The following ZNF469 variants were observed in gnomAD, a reference collection of about 807,000 sequenced individuals.
ZNF469 encodes the protein zinc finger protein 469.
In ZNF469, 1 loss-of-function variant was observed where a neutral mutation model predicts 1.0. That is an observed-to-expected ratio of 1.00 (90% CI 0.35 to 4.73). The LOEUF is 4.73. ZNF469 is among the 30% of genes most tolerant of loss of function. ZNF469 has a pLI of 0.16. For missense variants in ZNF469, 6,100 were observed against 5,356.3 expected, an observed-to-expected ratio of 1.14 and a Z score of -4.33; for synonymous variants, 2,703 against 2,363.4, an observed-to-expected ratio of 1.14 and a Z score of -4.17.
At chr16:88,120,946 G>T in the ZNF469 span, among the ~76,000 whole-genome samples, 11 of 152,130 alleles carry the variant, frequency 7.2e-5, no homozygotes, top group Non-Finnish European at 1.2e-4. Flanking sequence ...TTTCTTGGCC[G>T]CAGGCGTTGG....
the ZNF469 span, among the ~76,000 whole-genome samples, chr16:88,266,327 G>A: frequency 2.6e-5 from 4 of 152,248 alleles, no homozygotes; most frequent in Non-Finnish European, 5.9e-5. Flanking sequence ...CACTGCTGGA[G>A]CTACAGGGAG....
chr16:88,301,311 C>T, the ZNF469 span, among the ~76,000 whole-genome samples: 9 of 152,176 alleles, frequency 5.9e-5, no homozygotes, highest in South Asian at 1.2e-3. Flanking sequence ...CCCGCTACCA[C>T]GCCTGGCTAA....
At chr16:88,345,464 G>A in the ZNF469 span, among the ~76,000 whole-genome samples, 4 of 152,214 alleles carry the variant, frequency 2.6e-5, no homozygotes, top group African/African-American at 2.4e-5. Flanking sequence ...ACACGCAAAC[G>A]TTGGGTAGGT....
chr16:88,391,599 C>G (rs1022858259), intron 1 of ZNF469, among the ~76,000 whole-genome samples: 1 of 152,256 alleles, frequency 6.6e-6, no homozygotes, highest in Non-Finnish European at 1.5e-5. Flanking sequence ...TCGGGAGCCT[C>G]TGACCTGTGT....
the ZNF469 span, among the ~76,000 whole-genome samples, chr16:88,102,837 G>A: frequency 3.3e-5 from 5 of 152,248 alleles, no homozygotes; most frequent in Non-Finnish European, 4.4e-5. Flanking sequence ...TCCATCCGCC[G>A]GGACCTGGCC....
chr16:88,166,431 T>C, the ZNF469 span, among the ~76,000 whole-genome samples: 3 of 152,144 alleles, frequency 2.0e-5, no homozygotes, highest in Admixed American at 1.3e-4. The surrounding 1 kb of genome is among the most constrained non-coding windows in gnomAD (Gnocchi z 4.5). Flanking sequence ...GAAATTTCCA[T>C]GCGGTGAAAT....
At chr16:88,340,914 G>A in the ZNF469 span, among the ~76,000 whole-genome samples, 1 of 152,052 alleles carries the variant, frequency 6.6e-6, no homozygotes, top group Non-Finnish European at 1.5e-5. Flanking sequence ...GTGGAGGAGG[G>A]CCTCGCAGAG....
chr16:88,223,153 C>A, the ZNF469 span, among the ~76,000 whole-genome samples: 21 of 152,312 alleles, frequency 1.4e-4, no homozygotes, highest in East Asian at 3.7e-3. Flanking sequence ...CCAAATCTCA[C>A]CTTGAATTAT....
At chr16:88,270,403 G>A in the ZNF469 span, among the ~76,000 whole-genome samples, 1 of 152,222 alleles carries the variant, frequency 6.6e-6, no homozygotes, top group Non-Finnish European at 1.5e-5. Context: ...AGCTCACCAG[G>A]GTCCTGGATG....
chr16:88,188,451 G>C, the ZNF469 span, among the ~76,000 whole-genome samples: 1 of 152,200 alleles, frequency 6.6e-6, no homozygotes. Context: ...GGACGGCATG[G>C]GCTGCTTAAT....
intron 1 of ZNF469, among the ~76,000 whole-genome samples, chr16:88,396,787 G>A (rs554264717): frequency 2.7e-5 from 4 of 149,092 alleles, no homozygotes; most frequent in Non-Finnish European, 4.5e-5. Flanking sequence ...GAGGCCGGGA[G>A]GAGACCCTTG....
chr16:88,224,536 AG>A, the ZNF469 span, among the ~76,000 whole-genome samples: 1 of 152,190 alleles, frequency 6.6e-6, no homozygotes, highest in African/African-American at 2.4e-5. Context: ...TGTGGCCTGC[AG>A]CGTGGCACTT....
intron 1 of ZNF469, among the ~76,000 whole-genome samples, chr16:88,413,670 T>A (rs1905234301): frequency 6.6e-6 from 1 of 152,158 alleles, no homozygotes; most frequent in Admixed American, 6.5e-5. Context: ...TAGCTGGGCG[T>A]TGAACTCGGT....
the ZNF469 span, among the ~76,000 whole-genome samples, chr16:88,160,467 A>G: frequency 2.8e-4 from 43 of 152,136 alleles, no homozygotes; most frequent in African/African-American, 1.0e-3. Context: ...CTGCCTGCGC[A>G]CTTTGCACTC....
At chr16:88,396,260 A>G (rs1411154451) in intron 1 of ZNF469, among the ~76,000 whole-genome samples, 2 of 152,286 alleles carry the variant, frequency 1.3e-5, no homozygotes, top group African/African-American at 4.8e-5. Context: ...GTTCTCAGAC[A>G]GGGCCGGCAG....
the ZNF469 span, among the ~76,000 whole-genome samples, chr16:88,348,325 G>A: frequency 1.3e-5 from 2 of 152,256 alleles, no homozygotes; most frequent in African/African-American, 4.8e-5. Flanking sequence ...CCCTGTGCGT[G>A]CCTCTCGTTT....
At chr16:88,117,368 C>G in the ZNF469 span, among the ~76,000 whole-genome samples, 1 of 152,094 alleles carries the variant, frequency 6.6e-6, no homozygotes, top group Non-Finnish European at 1.5e-5. Flanking sequence ...ATAATTGTTT[C>G]AAAAATAAAA....
At chr16:88,320,742 C>T in the ZNF469 span, among the ~76,000 whole-genome samples, 5 of 152,142 alleles carry the variant, frequency 3.3e-5, no homozygotes, top group African/African-American at 7.2e-5. Context: ...CAGCTGGAGA[C>T]CCGCAACAGC....
At chr16:88,260,345 C>G in the ZNF469 span, among the ~76,000 whole-genome samples, 1 of 152,138 alleles carries the variant, frequency 6.6e-6, no homozygotes, top group East Asian at 1.9e-4. The surrounding 1 kb of genome is among the most constrained non-coding windows in gnomAD (Gnocchi z 4.1). Flanking sequence ...TTCCACAATA[C>G]GACACGATGT....
Sources: allele counts gnomAD v4.1 joint callset (sites outside exome capture counted in the v4.1 genomes callset), GRCh38; gene constraint gnomAD v4.1.1; non-coding constraint Gnocchi (gnomAD v3.1); transcripts MANE v1.5; gene names NCBI Gene and HGNC (gene_info 2026-07-23, HGNC 2026-07-21).